Variants in C12orf42 observed in about 807,000 individuals in gnomAD.
C12orf42 encodes chromosome 12 open reading frame 42, also known as uncharacterized protein C12orf42.
A neutral mutation model predicts 21.6 loss-of-function variants in C12orf42; 25 were observed. That is an observed-to-expected ratio of 1.16 (90% CI 0.84 to 1.62). The LOEUF (loss-of-function observed/expected upper bound fraction) is 1.62. Among genes scored for constraint, C12orf42 ranks in the 40% most tolerant of loss-of-function variants. The probability of loss-of-function intolerance (pLI) is 0.00; values close to 1 mark genes in which losing one functional copy is unlikely to be tolerated. For missense variants in C12orf42, 483 were observed against 459.3 expected (o/e 1.05, Z -0.47); for synonymous variants, 174 against 175.0 (o/e 0.99, Z 0.05).
At chr12:103,449,703 C>T (rs1019541677) in intron 2 of C12orf42, among the ~76,000 whole-genome samples, 2 of 151,256 alleles carry the variant, frequency 1.3e-5, no homozygotes, top group Non-Finnish European at 2.9e-5. Flanking sequence ...TCTAATAAGG[C>T]AATTCTCCCT....
chr12:103,227,282 A>G, the C12orf42 span, among the ~76,000 whole-genome samples: 1 of 151,908 alleles, frequency 6.6e-6, no homozygotes, highest in African/African-American at 2.4e-5. Flanking sequence ...CGGGGCGTGG[A>G]AATAAGGGAC....
At chr12:103,383,660 C>A (rs934480530) in intron 3 of C12orf42, among the ~76,000 whole-genome samples, 3 of 152,052 alleles carry the variant, frequency 2.0e-5, no homozygotes, top group African/African-American at 7.2e-5. Flanking sequence ...AATAAGTAAG[C>A]AAATAACTGG....
the C12orf42 span, chr12:103,080,826 A>C: frequency 6.6e-6 from 1 of 152,214 alleles, no homozygotes; most frequent in Admixed American, 6.5e-5. Flanking sequence ...AAGTTAGTTC[A>C]TATAAAAATC....
At chr12:103,479,471 G>C (rs1052603344) in intron 1 of C12orf42, among the ~76,000 whole-genome samples, 1 of 152,038 alleles carries the variant, frequency 6.6e-6, no homozygotes, top group African/African-American at 2.4e-5. Context: ...CCCCAAAATA[G>C]TATAAGTTTC....
At chr12:103,291,242 G>A (rs2036801580) in intron 4 of C12orf42, among the ~76,000 whole-genome samples, 1 of 152,134 alleles carries the variant, frequency 6.6e-6, no homozygotes, top group Non-Finnish European at 1.5e-5. Flanking sequence ...GCTCTGCCTT[G>A]AACAGACTGT....
chr12:103,395,781 C>A (rs1412035791), intron 3 of C12orf42, among the ~76,000 whole-genome samples: 1 of 151,730 alleles, frequency 6.6e-6, no homozygotes, highest in African/African-American at 2.4e-5. Context: ...CACTGAATAA[C>A]TGAGACATAA....
At chr12:103,200,765 T>C in the C12orf42 span, among the ~76,000 whole-genome samples, 25 of 152,228 alleles carry the variant, frequency 1.6e-4, no homozygotes, top group Non-Finnish European at 3.4e-4. Flanking sequence ...TACAACTAAA[T>C]ATAACTAAGT....
intron 2 of C12orf42, among the ~76,000 whole-genome samples, chr12:103,469,353 A>G (rs1953403446): frequency 6.6e-6 from 1 of 152,252 alleles, no homozygotes; most frequent in South Asian, 2.1e-4. Context: ...CATTCATTAT[A>G]GATTTTTGAA....
chr12:103,538,893 A>G, the C12orf42 span, among the ~76,000 whole-genome samples: 5 of 152,184 alleles, frequency 3.3e-5, no homozygotes, highest in Non-Finnish European at 7.3e-5. Context: ...TTATGGAATG[A>G]GGACATTGAG....
At chr12:103,444,592 A>T (rs1951462006) in intron 2 of C12orf42, among the ~76,000 whole-genome samples, 1 of 152,068 alleles carries the variant, frequency 6.6e-6, no homozygotes, top group Admixed American at 6.6e-5. Flanking sequence ...AAATTGTGTT[A>T]GTTCTATCTT....
the C12orf42 span, among the ~76,000 whole-genome samples, chr12:103,080,520 A>G: frequency 6.6e-6 from 1 of 151,964 alleles, no homozygotes; most frequent in South Asian, 2.1e-4. Context: ...GCAGACACCT[A>G]AAAAAAAGCT....
the C12orf42 span, among the ~76,000 whole-genome samples, chr12:103,561,080 T>C: frequency 6.6e-6 from 1 of 152,140 alleles, no homozygotes. Flanking sequence ...CCCTGCTTGA[T>C]CACTCTGGAA....
At chr12:103,154,025 CAAAAAAAA>C in the C12orf42 span, among the ~76,000 whole-genome samples, 14 of 51,676 alleles carry the variant, frequency 2.7e-4, no homozygotes, top group African/African-American at 7.7e-4. Flanking sequence ...CAAATCTCAG[CAAAAAAAA>C]AAAAAAAAAA....
chr12:103,274,789 T>G (rs1271602010), intron 5 of C12orf42, among the ~76,000 whole-genome samples: 1 of 152,154 alleles, frequency 6.6e-6, no homozygotes, highest in South Asian at 2.1e-4. Flanking sequence ...ACACAACTGG[T>G]TTAAATTTGA....
intron 4 of C12orf42, among the ~76,000 whole-genome samples, chr12:103,296,900 T>C (rs1222289401): frequency 3.3e-5 from 5 of 152,348 alleles, no homozygotes; most frequent in Non-Finnish European, 7.3e-5. Flanking sequence ...TTTGTTGCCA[T>C]TGCTTTTGGT....
At chr12:103,063,822 G>A in the C12orf42 span, among the ~76,000 whole-genome samples, 25 of 152,146 alleles carry the variant, frequency 1.6e-4, no homozygotes, top group African/African-American at 6.0e-4. Flanking sequence ...GCAGAAATCT[G>A]GAGAACAGGC....
the C12orf42 span, among the ~76,000 whole-genome samples, chr12:103,550,290 C>T: frequency 1.3e-4 from 20 of 152,178 alleles, no homozygotes; most frequent in Non-Finnish European, 2.6e-4. Flanking sequence ...AAACTATACT[C>T]AAAGTCATGG....
In C12orf42 at chr12:103,286,005, G is replaced by C. The variant is rs563786287; in HGVS notation, n.338-8795C>G. 2.8e-4 allele frequency among the ~76,000 whole-genome samples: 42 copies of C among 152,252 alleles called. No individual in the cohort carries two copies. In the South Asian group the frequency reaches 2.9e-3, roughly 11 times the overall value. ...TCACGCCTGTAATCCCAGCACTTTG[G>C]GGGGGTGCCAAGGCAGGCGGATTGC... On this transcript the variant is annotated intron_variant and non_coding_transcript_variant, in intron 4 of 6. Coordinates refer to the C12orf42 transcript ENST00000546526.
At chr12:103,061,028 A>G in the C12orf42 span, among the ~76,000 whole-genome samples, 1 of 152,202 alleles carries the variant, frequency 6.6e-6, no homozygotes, top group Non-Finnish European at 1.5e-5. Context: ...TTCTTTACTG[A>G]TGGGTGGAAT....
Sources: gnomAD v4.1 joint callset for allele counts (sites outside exome capture counted in the v4.1 genomes callset) on GRCh38, gnomAD v4.1.1 for gene constraint, MANE v1.5 for transcripts, NCBI Gene and HGNC (gene_info 2026-07-23, HGNC 2026-07-21) for gene names.